MIPEP: variants seen among roughly 807,000 people sequenced by gnomAD.
MIPEP encodes the protein mitochondrial intermediate peptidase.
Under a neutral mutation model 90.3 loss-of-function variants are expected in MIPEP, and 79 were observed. The observed-to-expected ratio is 0.87, with a 90% CI of 0.73 to 1.05. MIPEP has a LOEUF of 1.05. Among genes scored for constraint, MIPEP ranks in the 50% least tolerant of loss-of-function variants. The pLI is 0.00. For synonymous variants in MIPEP, 334 were observed against 315.8 expected (o/e 1.06, Z -0.61); for missense variants, 940 against 905.6 (o/e 1.04, Z -0.49).
rs575856753 is a variant in MIPEP, at chr13:23,854,108, A to G, written c.1106+4752T>C. On this transcript the variant is annotated intron_variant, in intron 10 of 18. Transcript: ENST00000382172. ...TGGGAGGCCGAGGTGGGCGGATCACAAGTTCAGCAGATCGAGATCATCCTG... is the reference window on the plus strand; with the variant it reads ...TGGGAGGCCGAGGTGGGCGGATCACGAGTTCAGCAGATCGAGATCATCCTG... Among the ~76,000 whole-genome samples the G allele has an allele frequency of 2.1e-4, 31 of 150,682 alleles. No individual in the cohort carries two copies. The East Asian group carries it at 4.2e-3, about 21-fold the overall frequency.
chr13:23,791,498 A>G (rs1191848045), intron 16 of MIPEP, among the ~76,000 whole-genome samples: 3 of 151,920 alleles, frequency 2.0e-5, no homozygotes, highest in Non-Finnish European at 4.4e-5. Context: ...CCACAACACC[A>G]TCTACCCACT....
intron 16 of MIPEP, among the ~76,000 whole-genome samples, chr13:23,770,325 T>C (rs1265123462): frequency 6.6e-6 from 1 of 152,172 alleles, no homozygotes; most frequent in Non-Finnish European, 1.5e-5. Context: ...CTGCCTCAGA[T>C]ACTCTTCCCC....
chr13:23,818,705 ATTGG>A (rs1189212837), intron 14 of MIPEP, among the ~76,000 whole-genome samples: 1 of 152,234 alleles, frequency 6.6e-6, no homozygotes, highest in Non-Finnish European at 1.5e-5. Flanking sequence ...AAACTCTGTG[ATTGG>A]TACAAGGGTA....
intron 10 of MIPEP, among the ~76,000 whole-genome samples, chr13:23,853,300 AT>A (rs1869890052): frequency 6.6e-6 from 1 of 152,132 alleles, no homozygotes; most frequent in South Asian, 2.1e-4. Flanking sequence ...TGCAAGCTCC[AT>A]TTGTGGTAAG....
At chr13:23,885,170 G>T (rs1381351922) in intron 2 of MIPEP, among the ~76,000 whole-genome samples, 1 of 152,196 alleles carries the variant, frequency 6.6e-6, no homozygotes, top group East Asian at 1.9e-4. Context: ...TGGTCATTAT[G>T]TTTAGTGAAA....
intron 16 of MIPEP, among the ~76,000 whole-genome samples, chr13:23,761,770 T>A (rs1480286940): frequency 6.6e-6 from 1 of 152,212 alleles, no homozygotes; most frequent in African/African-American, 2.4e-5. Context: ...CTGAAACAAA[T>A]CTGACACAGC....
chr13:23,811,385 A>G (rs1249713513), intron 14 of MIPEP, among the ~76,000 whole-genome samples: 1 of 152,198 alleles, frequency 6.6e-6, no homozygotes, highest in Non-Finnish European at 1.5e-5. Context: ...TCTTTAGCTT[A>G]TTCTAGTGCA....
At chr13:23,889,057 T>C in intron 1 of MIPEP, 75 bp downstream of exon 1, 2 of 1,275,588 alleles carry the variant, frequency 1.6e-6, no homozygotes, top group Non-Finnish European at 2.0e-6. Context: ...AATCTCGCCC[T>C]GATTGTTGCT....
intron 16 of MIPEP, among the ~76,000 whole-genome samples, chr13:23,782,004 T>C (rs558262626): frequency 6.6e-6 from 1 of 152,234 alleles, no homozygotes; most frequent in East Asian, 1.9e-4. Context: ...ACAATAATAA[T>C]GGGAGACTTT....
At chr13:23,744,590 A>G (rs1952365051) in intron 18 of MIPEP, among the ~76,000 whole-genome samples, 1 of 152,246 alleles carries the variant, frequency 6.6e-6, no homozygotes, top group Admixed American at 6.5e-5. Context: ...GAGATCATAC[A>G]GCAACATGCA....
At position 23,836,319 on chromosome 13, in the gene MIPEP, A is replaced by G. The variant is rs1262674789; in HGVS notation, c.1574T>C (p.Val525Ala). Residue 525 changes from valine (V) to alanine (A), a missense_variant, in exon 14 of 19, where the codon GTT becomes GCT. Val to Ala is a moderately conservative substitution (Grantham distance 64, BLOSUM62 0). Transcript: ENST00000382172. ...AAAGTACTCCATCAGAATAGAAGGAACCTCAGCAAAATCAGTAGGGCACCT... is the reference window on the plus strand; with the variant it reads ...AAAGTACTCCATCAGAATAGAAGGAGCCTCAGCAAAATCAGTAGGGCACCT... The part of the protein sequence containing the change: ...GTRCPTDFAE[V>A]PSILMEYFAN... 1 of 1,597,406 alleles carries G rather than the reference A, an allele frequency of 6.3e-7. No homozygotes were observed. Among genetic ancestry groups the G allele is most frequent in the Non-Finnish European group, 8.5e-7 (1 of 1,173,954 alleles).
chr13:23,858,470 C>CAAAAA (rs1178186750), intron 10 of MIPEP, among the ~76,000 whole-genome samples: 1 of 48,940 alleles, frequency 2.0e-5, no homozygotes, highest in Non-Finnish European at 4.2e-5. Flanking sequence ...GACTCCGCCT[C>CAAAAA]AAAAAAAAAA....
At chr13:23,780,633 G>C (rs1419853479) in intron 16 of MIPEP, among the ~76,000 whole-genome samples, 6 of 152,202 alleles carry the variant, frequency 3.9e-5, no homozygotes, top group African/African-American at 1.4e-4. Context: ...AGAGAAGAAG[G>C]CTTCAGATGA....
At chr13:23,863,599 T>TC (rs1172539057) in intron 8 of MIPEP, among the ~76,000 whole-genome samples, 1 of 151,806 alleles carries the variant, frequency 6.6e-6, no homozygotes, top group Non-Finnish European at 1.5e-5. Flanking sequence ...TATTCCAAAT[T>TC]CCCCCCAAAA....
chr13:23,874,247 T>C (rs1474921743), intron 5 of MIPEP, among the ~76,000 whole-genome samples: 5 of 152,346 alleles, frequency 3.3e-5, no homozygotes, highest in Non-Finnish European at 7.3e-5. Context: ...ACAACTGAAA[T>C]GAGGCACTTG....
At chr13:23,841,634 GT>G in intron 10 of MIPEP, 146 bp from the exon 11 acceptor site, 1 of 858,810 alleles carries the variant, frequency 1.2e-6, no homozygotes. Context: ...CATTTGAGGG[GT>G]TTTCAGACAG....
At chr13:23,782,083 C>A (rs1952788801) in intron 16 of MIPEP, among the ~76,000 whole-genome samples, 1 of 152,194 alleles carries the variant, frequency 6.6e-6, no homozygotes, top group Non-Finnish European at 1.5e-5. Context: ...AGGAATTGAA[C>A]ACAGCTCTGC....
intron 16 of MIPEP, among the ~76,000 whole-genome samples, chr13:23,787,048 G>A (rs568806493): frequency 1.1e-3 from 163 of 152,250 alleles, no homozygotes; most frequent in African/African-American, 3.4e-3. Context: ...TGATGGGAAC[G>A]CCACAGCTTG....
At chr13:23,832,683 TA>T (rs1466906699) in intron 14 of MIPEP, among the ~76,000 whole-genome samples, 3 of 152,146 alleles carry the variant, frequency 2.0e-5, no homozygotes, top group African/African-American at 7.2e-5. Context: ...ACAGCTCCAC[TA>T]AGGTAGCCTA....
Sources: gnomAD v4.1 joint callset for allele counts (sites outside exome capture counted in the v4.1 genomes callset) on GRCh38, gnomAD v4.1.1 for gene constraint, MANE v1.5 for transcripts, NCBI Gene and HGNC (gene_info 2026-07-23, HGNC 2026-07-21) for gene names.